The following ATP6V0D2 variants were observed in gnomAD, a reference collection of about 807,000 sequenced individuals.
The protein encoded by ATP6V0D2 is V-type proton ATPase subunit d 2.
ATP6V0D2 carries 40 observed loss-of-function variants against 40.0 expected under a neutral mutation model. The observed-to-expected ratio is 1.00, with a 90% CI of 0.78 to 1.30. The LOEUF (loss-of-function observed/expected upper bound fraction) is 1.30, where lower values mean the gene tolerates loss of function less well. ATP6V0D2 is among the 50% of genes most tolerant of loss of function. The pLI, the probability that ATP6V0D2 is intolerant of heterozygous loss-of-function variation, is 0.00. For missense variants in ATP6V0D2, 470 were observed against 423.1 expected (o/e 1.11, Z -0.97); for synonymous variants, 179 against 156.3 (o/e 1.15, Z -1.08).
intron 5 of ATP6V0D2, among the ~76,000 whole-genome samples, chr8:86,145,310 A>AAAG (rs1364957334): frequency 8.5e-5 from 7 of 82,648 alleles, no homozygotes; most frequent in Non-Finnish European, 1.2e-4. Context: ...AGAAAGAAAG[A>AAAG]AAAGAAAGAA....
chr8:86,147,675 T>C (rs1819090217), intron 5 of ATP6V0D2, among the ~76,000 whole-genome samples: 1 of 152,062 alleles, frequency 6.6e-6, no homozygotes, highest in African/African-American at 2.4e-5. Context: ...TCAGTTATGA[T>C]AAAAGGAAAA....
At position 86,139,609 on chromosome 8, in the gene ATP6V0D2, A is replaced by T. The variant is rs779787398; in HGVS notation, c.455A>T (p.Asn152Ile). ...NIAETPSDLFNAILIETPLAP... is the reference protein window; with the variant it reads ...NIAETPSDLFIAILIETPLAP... The stretch of plus-strand genomic sequence containing the variant: ...GCAGAGACACCTTCAGATCTCTTTA[A>T]TGCCATTCTGATCGAAACGCCATTA... The change falls in exon 3 of 8, where the codon AAT becomes ATT. Residue 152 changes from asparagine to isoleucine, a missense_variant. By Grantham distance (149) the Asn-to-Ile change is moderately radical. Coordinates refer to ENST00000285393, the MANE Select transcript of ATP6V0D2 (RefSeq NM_152565.1). The T allele has an allele frequency of 6.2e-7, 1 of 1,605,754 alleles. No homozygotes were observed. Among genetic ancestry groups the T allele is most frequent in the Non-Finnish European group, 8.5e-7 (1 of 1,176,852 alleles).
intron 1 of ATP6V0D2, among the ~76,000 whole-genome samples, chr8:86,113,424 G>A (rs976294800): frequency 2.6e-5 from 4 of 152,188 alleles, no homozygotes; most frequent in South Asian, 2.1e-4. Context: ...AGAGGTTGCC[G>A]TGAGCTGAGA....
chr8:86,123,893 C>T (rs1032538974), intron 2 of ATP6V0D2, among the ~76,000 whole-genome samples: 1 of 152,120 alleles, frequency 6.6e-6, no homozygotes, highest in Admixed American at 6.6e-5. Flanking sequence ...ATATTATCAG[C>T]ATTTTCCCCA....
intron 1 of ATP6V0D2, among the ~76,000 whole-genome samples, chr8:86,105,737 C>T (rs541985692): frequency 6.7e-6 from 1 of 149,518 alleles, no homozygotes; most frequent in Non-Finnish European, 1.5e-5. Flanking sequence ...GCCTCAGTCT[C>T]CCGAGTAGCT....
chr8:86,149,941 C>G (rs937584705), intron 5 of ATP6V0D2, among the ~76,000 whole-genome samples, 171 bp from the exon 6 acceptor site: 1 of 151,964 alleles, frequency 6.6e-6, no homozygotes, highest in Non-Finnish European at 1.5e-5. Flanking sequence ...CAGAGTTACT[C>G]CATTACAAGA....
intron 2 of ATP6V0D2, among the ~76,000 whole-genome samples, chr8:86,121,357 G>C (rs1235315590): frequency 1.3e-5 from 2 of 152,198 alleles, no homozygotes. Flanking sequence ...ATCACTTGAG[G>C]TCAGGAGTTT....
rs1353593858 is a variant in ATP6V0D2, at chr8:86,153,992, A to C, written c.*1015A>C. On this transcript the variant is annotated 3_prime_UTR_variant, in exon 8 of 8. Coordinates refer to ENST00000285393, the MANE Select transcript of ATP6V0D2 (RefSeq NM_152565.1). ...ACCATCTTGGCCAGGCTGATCTTGAACTCCTGAGCTCATGATCCACCCGCC... is the reference window on the plus strand; with the variant it reads ...ACCATCTTGGCCAGGCTGATCTTGACCTCCTGAGCTCATGATCCACCCGCC... 1.4e-5 allele frequency: 2 copies of C among 143,618 alleles called. No homozygotes were observed. The highest frequency in any genetic ancestry group is 2.6e-5 in the African/African-American group (1 of 38,422). The allele number at this position is 143,618 out of a possible 1,614,324, so 8.9% of individuals were successfully genotyped here. A position where few individuals can be genotyped will look rare whatever the true frequency, so the allele number is the denominator to read the frequency against.
chr8:86,105,391 C>T (rs1818456145), intron 1 of ATP6V0D2, among the ~76,000 whole-genome samples: 1 of 151,844 alleles, frequency 6.6e-6, no homozygotes, highest in Admixed American at 6.6e-5. Context: ...CTACCTCTCC[C>T]GGACTTAAGC....
chr8:86,148,454 T>C (rs1819100183), intron 5 of ATP6V0D2, among the ~76,000 whole-genome samples: 1 of 152,138 alleles, frequency 6.6e-6, no homozygotes, highest in Non-Finnish European at 1.5e-5. Flanking sequence ...CTGTTGCAAG[T>C]TGGGTTTTGT....
Position 86,098,984 on chromosome 8 carries a change from C to T in ATP6V0D2, c.6C>T (p.Leu2=), listed in dbSNP as rs753025733. 13 of 1,613,412 alleles carry T rather than the reference C, an allele frequency of 8.1e-6. No individual in the cohort carries two copies. The highest frequency in any genetic ancestry group is 6.7e-5 in the East Asian group (3 of 44,858). The change falls in exon 1 of 8, where the codon CTC becomes CTT. Residue 2 remains leucine (L), a synonymous_variant. Transcript: ENST00000285393. ...TGGCTTCAATCTCTTCCCCCATGCT[C>T]GAAGGTGCGGAGCTGTACTTCAACG... is the stretch of plus-strand genomic sequence containing the variant. M[L]EGAELYFNVD... is the part of the protein sequence containing the mutation.
rs139341886 is a variant in ATP6V0D2 at position 86,116,491 on chromosome 8, C to T, written c.302+2611C>T. Among the ~76,000 whole-genome samples the T allele has an allele frequency of 1.2e-4, 19 of 152,252 alleles. No homozygotes were observed. In the East Asian group the frequency reaches 3.7e-3, roughly 29 times the overall value. On this transcript the variant is annotated intron_variant, in intron 2 of 7. Coordinates refer to ENST00000285393, the MANE Select transcript of ATP6V0D2 (RefSeq NM_152565.1). ...AAAGTGCTGGGATTATAGACGTGCA[C>T]CATCATGCCTGGAAAACATCATACT...
At chr8:86,130,879 A>G (rs1422828014) in intron 2 of ATP6V0D2, among the ~76,000 whole-genome samples, 6 of 151,818 alleles carry the variant, frequency 4.0e-5, no homozygotes, top group Non-Finnish European at 7.4e-5. Context: ...TTCCCCTTTC[A>G]ATTCTGTTCT....
At chr8:86,141,413 A>C in intron 3 of ATP6V0D2, 37 bp from the exon 4 acceptor site, 1 of 1,520,052 alleles carries the variant, frequency 6.6e-7, no homozygotes, top group Non-Finnish European at 9.1e-7. Context: ...AATCTTGCTT[A>C]AGATTCATTT....
chr8:86,119,698 A>G (rs910383959), intron 2 of ATP6V0D2, among the ~76,000 whole-genome samples: 3 of 152,256 alleles, frequency 2.0e-5, no homozygotes, highest in African/African-American at 7.2e-5. Flanking sequence ...AAAATTATGT[A>G]CAAAAATACA....
chr8:86,119,106 A>T (rs990252729), intron 2 of ATP6V0D2, among the ~76,000 whole-genome samples: 2 of 152,184 alleles, frequency 1.3e-5, no homozygotes, highest in Admixed American at 6.5e-5. Flanking sequence ...AACAAATCTC[A>T]TATAAAGGCA....
chr8:86,137,748 G>C (rs1818917458), intron 2 of ATP6V0D2, among the ~76,000 whole-genome samples: 1 of 152,256 alleles, frequency 6.6e-6, no homozygotes, highest in Non-Finnish European at 1.5e-5. Context: ...ATAATGTGAG[G>C]GTTCAGAGGA....
In ATP6V0D2 at chr8:86,099,107, A is replaced by G. The variant is rs1216128061; in HGVS notation, c.129A>G (p.Glu43=). Residue 43 remains glutamate (E), a splice_region_variant and synonymous_variant, in exon 1 of 8, where the codon GAA becomes GAG. Transcript: ENST00000285393. ...ACCTGGTCCAGTGTGAGACCCTAGA[A>G]GGTAAGTGTAGCTCTTCTCACCCTT... The part of the protein sequence containing the change: ...YINLVQCETL[E]DLKIHLQTTD... The G allele has an allele frequency of 6.2e-7, 1 of 1,610,140 alleles. No individual in the cohort carries two copies. The highest frequency in any genetic ancestry group is 1.1e-5 in the South Asian group (1 of 90,426).
At chr8:86,142,541 A>C (rs962396398) in intron 4 of ATP6V0D2, among the ~76,000 whole-genome samples, 8 of 152,248 alleles carry the variant, frequency 5.3e-5, no homozygotes, top group African/African-American at 1.9e-4. Context: ...GCTAAATCTA[A>C]AATTATTCAC....
Sources: allele counts gnomAD v4.1 joint callset (sites outside exome capture counted in the v4.1 genomes callset), GRCh38; gene constraint gnomAD v4.1.1; transcripts MANE v1.5; gene names NCBI Gene and HGNC (gene_info 2026-07-23, HGNC 2026-07-21).